Variants in KANSL2 observed in about 807,000 individuals in gnomAD.
The protein encoded by KANSL2 is KAT8 regulatory NSL complex subunit 2.
A neutral mutation model predicts 55.6 loss-of-function variants in KANSL2; 34 were observed. The ratio of observed to expected loss-of-function variants is 0.61; its 90% confidence interval spans 0.46 to 0.81. KANSL2 has a LOEUF of 0.81. Ranked by LOEUF, KANSL2 falls within the 40% of genes least tolerant of loss-of-function variation. KANSL2 has a pLI of 0.00. For synonymous variants in KANSL2, 209 were observed against 214.3 expected (o/e 0.98, Z 0.22); for missense variants, 502 against 609.9 (o/e 0.82, Z 1.86).
chr12:48,679,226 T>C (rs1209262871), intron 3 of KANSL2, 76 bp from the exon 4 acceptor site: 1 of 966,460 alleles, frequency 1.0e-6, no homozygotes, highest in South Asian at 1.4e-5. Flanking sequence ...AGATTACTTT[T>C]ATCAACCCAA....
At chr12:48,678,337 G>T (rs1338171340) in intron 4 of KANSL2, among the ~76,000 whole-genome samples, 2 of 152,166 alleles carry the variant, frequency 1.3e-5, no homozygotes, top group Non-Finnish European at 2.9e-5. Flanking sequence ...GTTAAGTGAA[G>T]AGCAGAAGCT....
At chr12:48,675,038 C>T (rs1338022416) in intron 4 of KANSL2, among the ~76,000 whole-genome samples, 1 of 146,182 alleles carries the variant, frequency 6.8e-6, no homozygotes. Flanking sequence ...TAAAATAAAA[C>T]CAGCAAATTA....
chr12:48,659,750 TATCC>T (rs1229168219), intron 8 of KANSL2, among the ~76,000 whole-genome samples: 1 of 151,988 alleles, frequency 6.6e-6, no homozygotes, highest in African/African-American at 2.4e-5. Context: ...ACAGCACAAA[TATCC>T]ATCAACTGAT....
At chr12:48,661,242 T>C in intron 7 of KANSL2, 1 of 969,602 alleles carries the variant, frequency 1.0e-6, no homozygotes, top group Non-Finnish European at 1.2e-6. Flanking sequence ...CCTTTTATGA[T>C]CCTAAAGGAA....
chr12:48,674,889 G>A (rs562189417), intron 4 of KANSL2, among the ~76,000 whole-genome samples: 51 of 151,480 alleles, frequency 3.4e-4, no homozygotes, highest in African/African-American at 9.2e-4. Context: ...TCGCACCACC[G>A]CGCTCCAGCC....
chr12:48,679,816 T>C lies in KANSL2; in HGVS notation c.269A>G (p.Glu90Gly). 1 of 1,604,236 alleles carries C rather than the reference T, an allele frequency of 6.2e-7. No homozygotes were observed. The highest frequency in any genetic ancestry group is 8.5e-7 in the Non-Finnish European group (1 of 1,175,050). The change falls in exon 3 of 10, where the codon GAA (glutamate) becomes GGA (glycine). Residue 90 changes from glutamate to glycine, a missense_variant. Coordinates refer to ENST00000420613, the MANE Select transcript of KANSL2 (RefSeq NM_017822.4). ...TGCCAGGGCATTCCTACGGACATGT[T>C]CAGCACAGAAGGACACCCTGAAGAG... is the stretch of plus-strand genomic sequence containing the variant. ...EKKDGVSFCA[E>G]HVRRNALALH...
chr12:48,657,285 C>T (rs1470405261), intron 8 of KANSL2, among the ~76,000 whole-genome samples: 1 of 151,986 alleles, frequency 6.6e-6, no homozygotes, highest in Admixed American at 6.6e-5. Context: ...ATTAGCCAGG[C>T]GTCTTGGCAC....
chr12:48,677,943 A>G (rs1939854940), intron 4 of KANSL2, among the ~76,000 whole-genome samples: 1 of 152,168 alleles, frequency 6.6e-6, no homozygotes, highest in Non-Finnish European at 1.5e-5. Flanking sequence ...GAGATTACTC[A>G]ATAGAAATGG....
rs574415109 is a variant in KANSL2, at chr12:48,667,714, T to C, written c.952A>G (p.Met318Val). The change falls in exon 7 of 10, where the codon ATG becomes GTG. Residue 318 changes from methionine (M) to valine (V), a missense_variant. Coordinates refer to ENST00000420613, the MANE Select transcript of KANSL2 (RefSeq NM_017822.4). The stretch of plus-strand genomic sequence containing the variant: ...ATACGGGTAAGGCAGTGTCTGGTCA[T>C]TGGAAGAGACTGATTGGAACAACGA... The part of the protein sequence containing the change: ...DVRCSNQSLP[M>V]TRHCLTHICQ... The C allele has an allele frequency of 1.0e-4, 161 of 1,613,736 alleles. No homozygotes were observed. In the South Asian group the frequency reaches 1.6e-3, roughly 16 times the overall value.
At chr12:48,668,021 C>G (rs1026917994) in intron 6 of KANSL2, among the ~76,000 whole-genome samples, 2 of 152,102 alleles carry the variant, frequency 1.3e-5, no homozygotes, top group Non-Finnish European at 2.9e-5. Context: ...GTGATATAGC[C>G]TATTTAACAC....
Position 48,660,441 on chromosome 12 carries a change from T to G in KANSL2, c.1152A>C (p.Glu384Asp). ...TCAAGTACAGATCCATGGGGCCGGC[T>G]TCCAGATCGTCTGGCACAGACAGTA... Reference protein sequence around the residue: ...EQVLSVPDDLEAGPMDLYLSA... With the variant: ...EQVLSVPDDLDAGPMDLYLSA... The change falls in exon 8 of 10, where the codon GAA (glutamate) becomes GAC (aspartate). Residue 384 changes from glutamate to aspartate, a missense_variant. Physicochemically the swap from Glu to Asp is conservative, Grantham distance 45. Coordinates refer to ENST00000420613, the MANE Select transcript of KANSL2 (RefSeq NM_017822.4). 6.2e-7 allele frequency: 1 copy of G among 1,613,964 alleles called. No individual in the cohort carries two copies. The highest frequency in any genetic ancestry group is 1.3e-5 in the African/African-American group (1 of 75,044).
At chr12:48,655,085 A>G in intron 8 of KANSL2, 25 bp from the exon 9 acceptor site, 1 of 1,554,066 alleles carries the variant, frequency 6.4e-7, no homozygotes, top group Non-Finnish European at 8.7e-7. Flanking sequence ...AAAGCCCATC[A>G]GCAATACCAA....
chr12:48,654,095 C>A lies in KANSL2; in HGVS notation c.1428G>T (p.Gln476His), dbSNP rs1187258086. ...NSEKASAPLS[Q>H]SGLATANGKP... ...TCCCATTTGCAGTAGCCAATCCACT[C>A]TGAGACAATGGTGCAGAGGCTTTCT... Residue 476 changes from glutamine to histidine, a missense_variant, in exon 10 of 10, where the codon CAG (glutamine) becomes CAT (histidine). By Grantham distance (24) the Gln-to-His change is conservative. Transcript: ENST00000420613. 2 of 1,612,912 alleles carry A rather than the reference C, an allele frequency of 1.2e-6. No individual in the cohort carries two copies. Among genetic ancestry groups the A allele is most frequent in the Non-Finnish European group, 1.7e-6 (2 of 1,179,444 alleles).
chr12:48,672,429 A>T (rs1006578526), intron 4 of KANSL2, among the ~76,000 whole-genome samples: 3,567 of 89,710 alleles, frequency 0.04, 104 homozygotes, highest in African/African-American at 0.073. Flanking sequence ...ATATATATAT[A>T]TATATTTTTT....
intron 7 of KANSL2, chr12:48,667,458 C>T (rs757441936): frequency 2.1e-5 from 13 of 631,056 alleles, no homozygotes; most frequent in South Asian, 1.6e-4. Flanking sequence ...AAAAACGACT[C>T]ATGTTTCTTT....
At chr12:48,667,849 G>C in intron 6 of KANSL2, 60 bp from the exon 7 acceptor site, 2 of 1,216,160 alleles carry the variant, frequency 1.6e-6, no homozygotes. Context: ...CAATTACGAT[G>C]AAAATAGTTA....
At position 48,671,939 on chromosome 12, in the gene KANSL2, T is replaced by G; in HGVS notation, c.569A>C (p.Glu190Ala). Residue 190 changes from glutamate (E) to alanine (A), a missense_variant, in exon 5 of 10, where the codon GAA becomes GCA. Transcript: ENST00000420613. ...PLKHAGVYTA[E>A]EVALIMREKL... ...TTCACGCATAATCAGGGCCACTTCT[T>G]CTGCTGTGTAGACACCAGCATGTCT... 2 of 1,607,244 alleles carry G rather than the reference T, an allele frequency of 1.2e-6. No homozygotes were observed. Among genetic ancestry groups the G allele is most frequent in the Non-Finnish European group, 1.7e-6 (2 of 1,175,244 alleles).
Position 48,679,799 on chromosome 12 carries a change from C to T in KANSL2, c.286G>A (p.Ala96Thr), listed in dbSNP as rs1257422118. 4 of 1,606,824 alleles carry T rather than the reference C, an allele frequency of 2.5e-6. No homozygotes were observed. Among genetic ancestry groups the T allele is most frequent in the Non-Finnish European group, 3.4e-6 (4 of 1,176,470 alleles). The change falls in exon 3 of 10, where the codon GCC becomes ACC. Residue 96 changes from alanine to threonine, a missense_variant. Ala to Thr is a moderately conservative substitution (Grantham distance 58). Coordinates refer to ENST00000420613, the MANE Select transcript of KANSL2 (RefSeq NM_017822.4). ...TTCATTTGAGCATGAAGTGCCAGGG[C>T]ATTCCTACGGACATGTTCAGCACAG... ...SFCAEHVRRN[A>T]LALHAQMKKT...
intron 4 of KANSL2, among the ~76,000 whole-genome samples, chr12:48,674,920 T>C (rs1253134764): frequency 1.3e-5 from 2 of 150,450 alleles, no homozygotes; most frequent in East Asian, 2.0e-4. Context: ...AACGAGACTC[T>C]GTCTCCAAAA....
Sources: allele counts gnomAD v4.1 joint callset (sites outside exome capture counted in the v4.1 genomes callset), GRCh38; gene constraint gnomAD v4.1.1; transcripts MANE v1.5; gene names NCBI Gene and HGNC (gene_info 2026-07-23, HGNC 2026-07-21).